Variants in PTPRN2 observed in about 807,000 individuals in gnomAD.
PTPRN2 encodes the protein protein tyrosine phosphatase receptor type N2.
A neutral mutation model predicts 118.8 loss-of-function variants in PTPRN2; 74 were observed. The observed-to-expected ratio is 0.62, with a 90% CI of 0.52 to 0.76. PTPRN2 has a LOEUF of 0.76. Ranked by LOEUF, PTPRN2 falls within the 30% of genes least tolerant of loss-of-function variation. The pLI is 0.00. For missense variants in PTPRN2, 1,481 were observed against 1,394.4 expected (o/e 1.06, Z -0.99); for synonymous variants, 641 against 608.0 (o/e 1.05, Z -0.80).
At chr7:158,443,242 G>A (rs2129435452) in intron 2 of PTPRN2, among the ~76,000 whole-genome samples, 1 of 152,288 alleles carries the variant, frequency 6.6e-6, no homozygotes, top group East Asian at 1.9e-4. Flanking sequence ...CCGTGGCTCA[G>A]CCCAGCGGCT....
chr7:158,467,942 C>T (rs1204861274), intron 2 of PTPRN2, among the ~76,000 whole-genome samples: 2 of 152,170 alleles, frequency 1.3e-5, no homozygotes, highest in East Asian at 3.9e-4. Context: ...TCACCGCCAC[C>T]CATTTACCCT....
intron 2 of PTPRN2, among the ~76,000 whole-genome samples, chr7:158,465,741 C>A (rs576516398): frequency 1.3e-5 from 2 of 152,328 alleles, no homozygotes; most frequent in African/African-American, 4.8e-5. Flanking sequence ...GATCCAGGGG[C>A]CTCCAGTGGA....
At chr7:158,361,951 C>T (rs1297753385) in intron 2 of PTPRN2, among the ~76,000 whole-genome samples, 10 of 152,304 alleles carry the variant, frequency 6.6e-5, no homozygotes, top group South Asian at 6.2e-4. Context: ...GGAGCTCATC[C>T]CCGCTTCTCT....
At chr7:158,002,057 C>T (rs1017421450) in intron 11 of PTPRN2, among the ~76,000 whole-genome samples, 2 of 152,212 alleles carry the variant, frequency 1.3e-5, no homozygotes, top group Non-Finnish European at 2.9e-5. Flanking sequence ...GGAGTCACCT[C>T]GGGTGACATG....
intron 13 of PTPRN2, chr7:157,669,683 T>C (rs572301624): frequency 9.1e-5 from 34 of 372,758 alleles, no homozygotes; most frequent in African/African-American, 4.4e-4. Context: ...ATTAAAGATA[T>C]AGACATGTTT....
chr7:158,189,735 C>A (rs995201022), intron 5 of PTPRN2, among the ~76,000 whole-genome samples: 11 of 152,242 alleles, frequency 7.2e-5, no homozygotes, highest in African/African-American at 2.4e-4. Context: ...TCACTTCCAG[C>A]GTCTGGGGAC....
intron 12 of PTPRN2, among the ~76,000 whole-genome samples, chr7:157,824,804 C>T (rs766854491): frequency 1.3e-5 from 2 of 152,236 alleles, no homozygotes; most frequent in African/African-American, 4.8e-5. Context: ...CAACACTCCT[C>T]AGAGAAAGGG....
In PTPRN2 at chr7:158,304,221, G is replaced by A. The variant is rs370730676; in HGVS notation, c.277+12598C>T. The stretch of plus-strand genomic sequence containing the variant: ...AGACATCCATCAATACACATAAGAC[G>A]TACACAGGCTTGGATTTCTACATGC... On this transcript the variant is annotated intron_variant, in intron 3 of 22. Coordinates refer to ENST00000389418, the MANE Select transcript of PTPRN2 (RefSeq NM_002847.5). 9.8e-4 allele frequency among the ~76,000 whole-genome samples: 142 copies of A among 145,102 alleles called. 1 individual carries two copies. Among genetic ancestry groups the A allele is most frequent in the African/African-American group, 3.4e-3 (131 of 38,470 alleles).
chr7:158,508,056 G>A (rs1032960555), intron 1 of PTPRN2, among the ~76,000 whole-genome samples: 5 of 151,632 alleles, frequency 3.3e-5, no homozygotes, highest in East Asian at 1.9e-4. Flanking sequence ...ACAGTGTTAC[G>A]AAGGTCAGTG....
chr7:157,577,362 G>A (rs221304), intron 18 of PTPRN2, among the ~76,000 whole-genome samples: 144,985 of 152,302 alleles, frequency 0.95, 69,157 homozygotes, highest in Middle Eastern at 1. Context: ...CTCGCTTCCT[G>A]CTGTGGAGCT....
Position 158,041,610 on chromosome 7 carries a change from C to T in PTPRN2, c.1723+39688G>A, listed in dbSNP as rs112180231. Among the ~76,000 whole-genome samples the T allele has an allele frequency of 9.4e-3, 1,427 of 152,152 alleles. 26 individuals carry two copies. The highest frequency in any genetic ancestry group is 0.032 in the African/African-American group (1,340 of 41,482). On this transcript the variant is annotated intron_variant, in intron 11 of 22. Coordinates refer to ENST00000389418, the MANE Select transcript of PTPRN2 (RefSeq NM_002847.5). ...CCAAGATCTTGCCACTGCACTCCAG[C>T]CTCGGTGACAGTCTAAGCAAGAGAG...
chr7:157,759,747 G>A (rs555807759), intron 12 of PTPRN2, among the ~76,000 whole-genome samples: 6 of 152,328 alleles, frequency 3.9e-5, no homozygotes, highest in East Asian at 3.9e-4. Flanking sequence ...TAATGTACGC[G>A]TTGAGAATGG....
chr7:157,565,639 G>A (rs1799449824), intron 21 of PTPRN2, among the ~76,000 whole-genome samples: 1 of 152,204 alleles, frequency 6.6e-6, no homozygotes, highest in Non-Finnish European at 1.5e-5. Context: ...CATCTCTGGG[G>A]AGTACCCCCT....
In PTPRN2 at chr7:158,266,102, C is replaced by T. The variant is rs371763799; in HGVS notation, c.277+50717G>A. ...TATTGTCTGGCAGTGAGGCTGGGGA[C>T]GGCGTCTGCTGCGGGGTATTGTCTG... is the stretch of plus-strand genomic sequence containing the variant. On this transcript the variant is annotated intron_variant, in intron 3 of 22. Transcript: ENST00000389418. Among the ~76,000 whole-genome samples, 621 of 125,610 alleles carry T rather than the reference C, an allele frequency of 4.9e-3. 5 individuals carry two copies. Among genetic ancestry groups the T allele is most frequent in the Admixed American group, 0.037 (454 of 12,118 alleles). 82.4% of individuals were successfully genotyped at this position (125,610 alleles called of 152,430 possible). A position where few individuals can be genotyped will look rare whatever the true frequency, so the allele number is the denominator to read the frequency against.
intron 12 of PTPRN2, among the ~76,000 whole-genome samples, chr7:157,810,024 C>T (rs575155833): frequency 5.3e-5 from 8 of 152,268 alleles, no homozygotes; most frequent in East Asian, 3.9e-4. Context: ...AGCTGGAAGC[C>T]GGGGCCACCG....
intron 21 of PTPRN2, among the ~76,000 whole-genome samples, chr7:157,566,957 C>G (rs1219166982): frequency 6.6e-6 from 1 of 152,222 alleles, no homozygotes; most frequent in Non-Finnish European, 1.5e-5. Flanking sequence ...AGCAACTCAC[C>G]ACATCACACG....
chr7:158,072,100 A>G lies in PTPRN2; in HGVS notation c.1723+9198T>C, dbSNP rs1174848031. Among the ~76,000 whole-genome samples, 608 of 118,360 alleles carry G rather than the reference A, an allele frequency of 5.1e-3. 6 individuals carry two copies. The highest frequency in any genetic ancestry group is 0.03 in the Middle Eastern group (5 of 168). The allele number at this position is 118,360 out of a possible 152,430, so 77.6% of individuals were successfully genotyped here. ...TCGTGGTGGTGGAGGTGCTCGTAGTATGGAGGTGCTCATGGTGGTGGAGGT... is the reference window on the plus strand; with the variant it reads ...TCGTGGTGGTGGAGGTGCTCGTAGTGTGGAGGTGCTCATGGTGGTGGAGGT... On this transcript the variant is annotated intron_variant, in intron 11 of 22. Transcript: ENST00000389418.
chr7:157,829,780 C>T (rs1807431190), intron 12 of PTPRN2, among the ~76,000 whole-genome samples: 2 of 152,224 alleles, frequency 1.3e-5, no homozygotes, highest in African/African-American at 4.8e-5. Context: ...AAAGCCCTGG[C>T]CCGACTCCTC....
chr7:158,016,371 G>T (rs889142862), intron 11 of PTPRN2, among the ~76,000 whole-genome samples: 1 of 152,224 alleles, frequency 6.6e-6, no homozygotes, highest in South Asian at 2.1e-4. Flanking sequence ...GGGCGAGGGG[G>T]AGTGGGCTGT....
Sources: gnomAD v4.1 joint callset for allele counts (sites outside exome capture counted in the v4.1 genomes callset) on GRCh38, gnomAD v4.1.1 for gene constraint, MANE v1.5 for transcripts, NCBI Gene and HGNC (gene_info 2026-07-23, HGNC 2026-07-21) for gene names.